The following CNTN6 variants were observed in gnomAD, a reference collection of about 807,000 sequenced individuals.
CNTN6 encodes the protein contactin-6.
In CNTN6, 137 loss-of-function variants were observed where a neutral mutation model predicts 122.8. The observed-to-expected ratio is 1.12, with a 90% CI of 0.97 to 1.29. The LOEUF is 1.29. Among genes scored for constraint, CNTN6 ranks in the 50% most tolerant of loss-of-function variants. CNTN6 has a pLI of 0.00. For synonymous variants in CNTN6, 570 were observed against 426.0 expected, an observed-to-expected ratio of 1.34 and a Z score of -4.16; for missense variants, 1,634 against 1,223.4, an observed-to-expected ratio of 1.34 and a Z score of -5.01.
intron 2 of CNTN6, among the ~76,000 whole-genome samples, chr3:1,161,407 C>T (rs750276611): frequency 1.3e-5 from 2 of 150,846 alleles, no homozygotes; most frequent in Admixed American, 6.6e-5. Flanking sequence ...TTAGCAAAAG[C>T]CTTCTATGAA....
chr3:1,297,872 C>A lies in CNTN6; in HGVS notation c.659-17C>A. The A allele has an allele frequency of 6.3e-7, 1 of 1,587,382 alleles. No homozygotes were observed. Among genetic ancestry groups the A allele is most frequent in the Non-Finnish European group, 8.6e-7 (1 of 1,160,832 alleles). The stretch of plus-strand genomic sequence containing the variant: ...CTATTCTCCAGAAATGCTGCTAGCT[C>A]TTTTGATATTTAACAGGTGTGATGG... On this transcript the variant is annotated splice_polypyrimidine_tract_variant and intron_variant, in intron 6 of 22. Transcript: ENST00000446702.
At chr3:1,344,672 G>T (rs1433858908) in intron 11 of CNTN6, among the ~76,000 whole-genome samples, 1 of 152,134 alleles carries the variant, frequency 6.6e-6, no homozygotes, top group African/African-American at 2.4e-5. Flanking sequence ...ATAAACATTT[G>T]TTTCCTCTTT....
intron 4 of CNTN6, among the ~76,000 whole-genome samples, chr3:1,249,823 C>A (rs904548856): frequency 6.6e-6 from 1 of 152,140 alleles, no homozygotes; most frequent in Non-Finnish European, 1.5e-5. Context: ...TTAATTATTT[C>A]ATCCATTTTT....
intron 1 of CNTN6, among the ~76,000 whole-genome samples, chr3:1,116,273 G>C (rs1358771991): frequency 6.6e-6 from 1 of 152,058 alleles, no homozygotes; most frequent in African/African-American, 2.4e-5. Context: ...GTGTAGGAAA[G>C]GGCTTCAAAG....
At chr3:1,117,710 A>G (rs1163092024) in intron 1 of CNTN6, among the ~76,000 whole-genome samples, 1 of 152,156 alleles carries the variant, frequency 6.6e-6, no homozygotes, top group Non-Finnish European at 1.5e-5. Context: ...TTGCTAACCA[A>G]TGCATAGGGC....
intron 2 of CNTN6, among the ~76,000 whole-genome samples, chr3:1,167,591 T>TTAGA (rs3043059): frequency 0.57 from 85,867 of 151,306 alleles, 25,712 homozygotes; most frequent in African/African-American, 0.75. Context: ...TCCCAGGTGA[T>TTAGA]TAGATATATA....
At chr3:1,312,139 A>G (rs1699424008) in intron 7 of CNTN6, among the ~76,000 whole-genome samples, 1 of 152,114 alleles carries the variant, frequency 6.6e-6, no homozygotes, top group Non-Finnish European at 1.5e-5. Context: ...GTCAAAGACC[A>G]GGGACCTGCC....
At chr3:1,260,431 T>A (rs1021096655) in intron 4 of CNTN6, among the ~76,000 whole-genome samples, 3 of 152,188 alleles carry the variant, frequency 2.0e-5, no homozygotes, top group South Asian at 4.1e-4. Context: ...TCAGGGCAGA[T>A]GTTTGATGTT....
intron 21 of CNTN6, 101 bp downstream of exon 21, chr3:1,401,646 TG>T: frequency 1.4e-6 from 1 of 710,330 alleles, no homozygotes; most frequent in East Asian, 2.8e-5. Context: ...ATGGAAACAC[TG>T]GAATCTTTTT....
chr3:1,299,909 A>G (rs755563920), intron 7 of CNTN6, among the ~76,000 whole-genome samples: 21 of 152,214 alleles, frequency 1.4e-4, no homozygotes, highest in Non-Finnish European at 2.5e-4. Context: ...ATACATGTTA[A>G]AACATTAAGA....
At chr3:1,180,715 T>C (rs998545277) in intron 2 of CNTN6, among the ~76,000 whole-genome samples, 1 of 152,216 alleles carries the variant, frequency 6.6e-6, no homozygotes, top group Non-Finnish European at 1.5e-5. Context: ...CTATTGATTG[T>C]ATGAGAGGTT....
chr3:1,259,822 T>C (rs1305920248), intron 4 of CNTN6, among the ~76,000 whole-genome samples: 1 of 152,154 alleles, frequency 6.6e-6, no homozygotes. Flanking sequence ...TATCCATGTA[T>C]AATAATATTT....
intron 16 of CNTN6, among the ~76,000 whole-genome samples, chr3:1,376,097 A>G (rs1044564724): frequency 6.6e-6 from 1 of 152,130 alleles, no homozygotes; most frequent in African/African-American, 2.4e-5. Context: ...TTCCACATTT[A>G]AAAAGTATAC....
At chr3:1,246,649 G>A (rs1469664250) in intron 4 of CNTN6, among the ~76,000 whole-genome samples, 1 of 152,058 alleles carries the variant, frequency 6.6e-6, no homozygotes, top group Non-Finnish European at 1.5e-5. Context: ...ACTCTTTCCA[G>A]TAATGTTTTT....
chr3:1,182,713 A>G (rs898594409), intron 2 of CNTN6, among the ~76,000 whole-genome samples: 6 of 152,126 alleles, frequency 3.9e-5, no homozygotes, highest in African/African-American at 1.4e-4. Context: ...AAAATTGATG[A>G]AACATGCCTG....
In CNTN6 at chr3:1,193,573, C is replaced by T. The variant is rs143059320; in HGVS notation, c.56-27114C>T. ...ATGTTCCTGCATATTATTTCTCTAG[C>T]GTTATTACACCTTTCTTCTGATTGC... On this transcript the variant is annotated intron_variant, in intron 2 of 22. Coordinates refer to ENST00000446702, the MANE Select transcript of CNTN6 (RefSeq NM_001289080.2). Among the ~76,000 whole-genome samples the T allele has an allele frequency of 1.3e-3, 192 of 152,190 alleles. 2 individuals are homozygous for T. The highest frequency in any genetic ancestry group is 4.3e-3 in the African/African-American group (180 of 41,544).
intron 11 of CNTN6, among the ~76,000 whole-genome samples, chr3:1,344,415 T>C (rs1340165427): frequency 6.6e-6 from 1 of 152,202 alleles, no homozygotes; most frequent in East Asian, 1.9e-4. Flanking sequence ...TTAATTTACC[T>C]GACTGCCCCT....
Position 1,296,454 on chromosome 3 carries a change from A to G in CNTN6, c.658+650A>G, listed in dbSNP as rs1374776624. 7.9e-5 allele frequency among the ~76,000 whole-genome samples: 12 copies of G among 152,144 alleles called. No individual in the cohort carries two copies. In the East Asian group the frequency reaches 1.2e-3, roughly 15 times the overall value. On this transcript the variant is annotated intron_variant, in intron 6 of 22. Transcript: ENST00000446702. ...GAGAGCCAGAAAGTTTAAGGAAGTC[A>G]TTGAAGTGGAGAAATTCTCTAGTTG... is the stretch of plus-strand genomic sequence containing the variant.
intron 2 of CNTN6, among the ~76,000 whole-genome samples, chr3:1,188,497 C>T (rs1212359480): frequency 1.3e-5 from 2 of 152,152 alleles, no homozygotes; most frequent in Non-Finnish European, 2.9e-5. Context: ...AGTGATACTG[C>T]ATATACGGAA....
Sources: allele counts gnomAD v4.1 joint callset (sites outside exome capture counted in the v4.1 genomes callset), GRCh38; gene constraint gnomAD v4.1.1; transcripts MANE v1.5; gene names NCBI Gene and HGNC (gene_info 2026-07-23, HGNC 2026-07-21).